The following ACADM variants were observed in gnomAD, a reference collection of about 807,000 sequenced individuals.
ACADM encodes medium-chain specific acyl-CoA dehydrogenase, mitochondrial.
A neutral mutation model predicts 58.9 loss-of-function variants in ACADM; 49 were observed. The ratio of observed to expected loss-of-function variants is 0.83; its 90% CI spans 0.66 to 1.06. The LOEUF (loss-of-function observed/expected upper bound fraction) is 1.06. Among genes scored for constraint, ACADM ranks in the 50% least tolerant of loss-of-function variants. ACADM has a pLI of 0.00. For missense variants in ACADM, 496 were observed against 507.0 expected (o/e 0.98, Z 0.21); for synonymous variants, 160 against 157.7 (o/e 1.01, Z -0.11).
Position 75,761,629 on chromosome 1 carries a change from T to C in ACADM, c.1194+259T>C. On this transcript the variant is annotated intron_variant, in intron 11 of 11. Transcript: ENST00000370841. ...GTTTGGATTAGATTTCTTTGAGTTT[T>C]AACAGATTGGCTAATTGTAACCCAA... 4 of 457,564 alleles carry C rather than the reference T, an allele frequency of 8.7e-6. No individual in the cohort carries two copies. The South Asian group carries it at 1.0e-4, about 12-fold the overall frequency. The allele number at this position is 457,564 out of a possible 1,614,324, so 28.3% of individuals were successfully genotyped here. A position where few individuals can be genotyped will look rare whatever the true frequency, so the allele number is the denominator to read the frequency against.
Position 75,751,217 on chromosome 1 carries a change from G to A in ACADM, c.945+671G>A, listed in dbSNP as rs111621205. Among the ~76,000 whole-genome samples, 1,381 of 151,236 alleles carry A rather than the reference G, an allele frequency of 9.1e-3. 18 individuals are homozygous for A. Among genetic ancestry groups the A allele is most frequent in the African/African-American group, 0.032 (1,306 of 41,360 alleles). ...TAGCCGAGCATGGTGGTGGGCGCCT[G>A]TAGTCCCAGCTACTCGGGAGGCTGA... is the stretch of plus-strand genomic sequence containing the variant. On this transcript the variant is annotated intron_variant, in intron 10 of 11. Transcript: ENST00000370841.
At chr1:75,738,098 A>G (rs2185436) in intron 6 of ACADM, among the ~76,000 whole-genome samples, 45,438 of 151,658 alleles carry the variant, frequency 0.3, 6,970 homozygotes, top group Non-Finnish European at 0.33. Context: ...TTGTATGTTT[A>G]GTAGAGACAA....
chr1:75,734,744 A>G, intron 5 of ACADM, 47 bp from the exon 6 acceptor site: 1 of 1,399,550 alleles, frequency 7.1e-7, no homozygotes, highest in Non-Finnish European at 1.0e-6. Context: ...GAATTTACAT[A>G]TCCAATAAAA....
At chr1:75,735,863 A>G (rs1204303332) in intron 6 of ACADM, among the ~76,000 whole-genome samples, 1 of 151,602 alleles carries the variant, frequency 6.6e-6, no homozygotes, top group Admixed American at 6.6e-5. Flanking sequence ...AAAGCAATTA[A>G]TGTGGGCTGG....
Position 75,750,559 on chromosome 1 carries a change from C to A in ACADM, c.945+13C>A. The stretch of plus-strand genomic sequence containing the variant: ...GCTACTTGTAGAGGTAATTTTAATA[C>A]TGCTTGCTTTGTTCAAATGTAAAGA... On this transcript the variant is annotated intron_variant, in intron 10 of 11. Coordinates refer to ENST00000370841, the MANE Select transcript of ACADM (RefSeq NM_000016.6). 1 of 1,542,250 alleles carries A rather than the reference C, an allele frequency of 6.5e-7. No homozygotes were observed. The highest frequency in any genetic ancestry group is 8.9e-7 in the Non-Finnish European group (1 of 1,117,778).
At chr1:75,741,582 C>T (rs904111525) in intron 7 of ACADM, among the ~76,000 whole-genome samples, 7 of 152,038 alleles carry the variant, frequency 4.6e-5, no homozygotes, top group African/African-American at 1.2e-4. Context: ...GGCAACATAA[C>T]GAGACCCCAT....
intron 10 of ACADM, chr1:75,750,846 T>A (rs1440774838): frequency 2.4e-6 from 1 of 413,624 alleles, no homozygotes; most frequent in Non-Finnish European, 4.5e-6. Flanking sequence ...CCTCCCGAGT[T>A]CGAGTAATTC....
In ACADM at chr1:75,760,799, A is replaced by G. The variant is rs11803967; in HGVS notation, c.946-323A>G. ...GGCTTATAGTTTAGTTGTTAATACT[A>G]TACCAGTGTTAATGTCCTGTTCTCG... On this transcript the variant is annotated intron_variant, in intron 10 of 11. Coordinates refer to ENST00000370841, the MANE Select transcript of ACADM (RefSeq NM_000016.6). Among the ~76,000 whole-genome samples, 3,031 of 152,290 alleles carry G rather than the reference A, an allele frequency of 0.02. 117 individuals are homozygous for G. Among genetic ancestry groups the G allele is most frequent in the African/African-American group, 0.068 (2,808 of 41,566 alleles).
chr1:75,739,488 A>G (rs1385757013), intron 6 of ACADM, among the ~76,000 whole-genome samples: 6 of 152,208 alleles, frequency 3.9e-5, no homozygotes, highest in Non-Finnish European at 5.9e-5. Flanking sequence ...TGATATACCT[A>G]TGCCTAATTT....
At chr1:75,747,115 G>C (rs553612335) in intron 8 of ACADM, among the ~76,000 whole-genome samples, 32 of 152,158 alleles carry the variant, frequency 2.1e-4, no homozygotes, top group Non-Finnish European at 4.6e-4. Context: ...TTGTATAACA[G>C]ATCATGTTTC....
At chr1:75,761,032 C>T (rs1321137722) in intron 10 of ACADM, 90 bp from the exon 11 acceptor site, 47 of 1,305,334 alleles carry the variant, frequency 3.6e-5, no homozygotes, top group Non-Finnish European at 4.8e-5. Flanking sequence ...CATAGCAAGA[C>T]CCCGTCACTA....
intron 7 of ACADM, among the ~76,000 whole-genome samples, chr1:75,742,573 C>T (rs1165837295): frequency 4.6e-5 from 7 of 152,172 alleles, no homozygotes; most frequent in East Asian, 1.9e-4. Flanking sequence ...GGCCCTTCTT[C>T]GGGACTACGC....
In ACADM at chr1:75,762,813, A is replaced by G; in HGVS notation, c.*50A>G. 1.7e-6 allele frequency: 2 copies of G among 1,193,568 alleles called. No homozygotes were observed. The highest frequency in any genetic ancestry group is 2.4e-6 in the Non-Finnish European group (2 of 817,036). The allele number at this position is 1,193,568 out of a possible 1,614,324, so 73.9% of individuals were successfully genotyped here. A position where few individuals can be genotyped will look rare whatever the true frequency, so the allele number is the denominator to read the frequency against. ...TAACTAGAACACAAGCCACTGTTTCAGCTCCAGAAAAAAGAAAGGGCTTTA... is the reference window on the plus strand; with the variant it reads ...TAACTAGAACACAAGCCACTGTTTCGGCTCCAGAAAAAAGAAAGGGCTTTA... On this transcript the variant is annotated 3_prime_UTR_variant, in exon 12 of 12. Coordinates refer to ENST00000370841, the MANE Select transcript of ACADM (RefSeq NM_000016.6).
At chr1:75,732,004 T>C (rs1647156558) in intron 2 of ACADM, among the ~76,000 whole-genome samples, 1 of 152,104 alleles carries the variant, frequency 6.6e-6, no homozygotes, top group South Asian at 2.1e-4. Flanking sequence ...TTACAAAAAT[T>C]AGCCAGATAT....
rs572343930 is a variant in ACADM at position 75,735,440 on chromosome 1, G to T, written c.468+569G>T. 1.1e-4 allele frequency among the ~76,000 whole-genome samples: 16 copies of T among 152,192 alleles called. No homozygotes were observed. The South Asian group carries it at 3.3e-3, about 32-fold the overall frequency. On this transcript the variant is annotated intron_variant, in intron 6 of 11. Transcript: ENST00000370841. ...TGTCATAATAATCCTCTTACTTCAGGAGAGAGAGCTCTATTTAGTGGAGCA... is the reference window on the plus strand; with the variant it reads ...TGTCATAATAATCCTCTTACTTCAGTAGAGAGAGCTCTATTTAGTGGAGCA...
intron 8 of ACADM, among the ~76,000 whole-genome samples, chr1:75,747,449 A>G (rs1647962617): frequency 1.3e-5 from 2 of 152,290 alleles, no homozygotes; most frequent in East Asian, 3.9e-4. Flanking sequence ...AAGCCTCCTT[A>G]AATCTTTATT....
intron 10 of ACADM, among the ~76,000 whole-genome samples, chr1:75,758,055 CTTTT>C (rs573854152): frequency 2.0e-5 from 3 of 151,484 alleles, no homozygotes; most frequent in Middle Eastern, 6.8e-3. Context: ...AATTTTTTTA[CTTTT>C]TTTTTAATTA....
At position 75,745,542 on chromosome 1, in the gene ACADM, A is replaced by T; in HGVS notation, c.600-264A>T. ...TCTTTCAAAATATCATATATACTGT[A>T]CTGCGGGTAACTGAAACCACAGAAA... is the stretch of plus-strand genomic sequence containing the variant. On this transcript the variant is annotated intron_variant, in intron 7 of 11. Coordinates refer to ENST00000370841, the MANE Select transcript of ACADM (RefSeq NM_000016.6). The T allele has an allele frequency of 6.4e-6, 3 of 466,688 alleles. 1 individual carries two copies. 28.9% of individuals were successfully genotyped at this position (466,688 alleles called of 1,614,324 possible). A position where few individuals can be genotyped will look rare whatever the true frequency, so the allele number is the denominator to read the frequency against.
At chr1:75,748,026 C>A (rs1389459843) in intron 8 of ACADM, among the ~76,000 whole-genome samples, 1 of 152,154 alleles carries the variant, frequency 6.6e-6, no homozygotes, top group African/African-American at 2.4e-5. Context: ...ACTATTAAAA[C>A]CAGCAAATTA....
Sources: allele counts gnomAD v4.1 joint callset (sites outside exome capture counted in the v4.1 genomes callset), GRCh38; gene constraint gnomAD v4.1.1; transcripts MANE v1.5; gene names NCBI Gene and HGNC (gene_info 2026-07-23, HGNC 2026-07-21).